SLC35B4: variants seen among roughly 807,000 people sequenced by gnomAD.
The protein encoded by SLC35B4 is solute carrier family 35 member B4.
In SLC35B4, 28 loss-of-function variants were observed where a neutral mutation model predicts 39.5. The ratio of observed to expected loss-of-function variants is 0.71; its 90% CI spans 0.53 to 0.97. The LOEUF (loss-of-function observed/expected upper bound fraction) is 0.97, where lower values mean the gene tolerates loss of function less well. SLC35B4 is among the 50% of genes least tolerant of loss of function. The probability of loss-of-function intolerance (pLI) is 0.00; values close to 1 mark genes in which losing one functional copy is unlikely to be tolerated. For synonymous variants in SLC35B4, 145 were observed against 150.4 expected (o/e 0.96, Z 0.26); for missense variants, 334 against 414.3 (o/e 0.81, Z 1.68).
Position 134,316,881 on chromosome 7 carries a change from G to C in SLC35B4, c.-130C>G. 1 of 833,876 alleles carries C rather than the reference G, an allele frequency of 1.2e-6. No individual in the cohort carries two copies. The highest frequency in any genetic ancestry group is 1.9e-6 in the Non-Finnish European group (1 of 538,154). 51.7% of individuals were successfully genotyped at this position (833,876 alleles called of 1,614,324 possible). On this transcript the variant is annotated 5_prime_UTR_variant, in exon 1 of 10. Transcript: ENST00000378509. ...CGTCCTGGAAAGCCGCTCTCACTGGGGGCCGCCGCGGTCTCCCCTTCTCCC... is the reference window on the plus strand; with the variant it reads ...CGTCCTGGAAAGCCGCTCTCACTGGCGGCCGCCGCGGTCTCCCCTTCTCCC...
intron 1 of SLC35B4, among the ~76,000 whole-genome samples, chr7:134,310,204 T>C (rs722657): frequency 0.49 from 73,790 of 152,000 alleles, 18,245 homozygotes; most frequent in Admixed American, 0.55. Flanking sequence ...TCTCTACAGC[T>C]CTTAACCCAG....
rs971530851 is a variant in SLC35B4 at position 134,290,524 on chromosome 7, G to A, written c.*4309C>T. On this transcript the variant is annotated 3_prime_UTR_variant, in exon 10 of 10. Transcript: ENST00000378509. Reference sequence around the variant, plus strand: ...CTCCCATCCCTGGAATGTCTACTAGGAAGAAGCTGCTAGAAAAAGACAACA... The same window carrying A: ...CTCCCATCCCTGGAATGTCTACTAGAAAGAAGCTGCTAGAAAAAGACAACA... 13 of 152,194 alleles carry A rather than the reference G, an allele frequency of 8.5e-5. No individual in the cohort carries two copies. The highest frequency in any genetic ancestry group is 2.0e-4 in the Admixed American group (3 of 15,278). 9.4% of individuals were successfully genotyped at this position (152,194 alleles called of 1,614,324 possible).
chr7:134,308,347 G>A (rs1563218305), intron 2 of SLC35B4, among the ~76,000 whole-genome samples: 1 of 152,160 alleles, frequency 6.6e-6, no homozygotes, highest in Non-Finnish European at 1.5e-5. Flanking sequence ...TGCTAGTGGT[G>A]GAGAGAATGG....
chr7:134,301,431 G>A (rs186363095), intron 6 of SLC35B4, among the ~76,000 whole-genome samples: 1 of 152,334 alleles, frequency 6.6e-6, no homozygotes, highest in East Asian at 1.9e-4. Flanking sequence ...CCCTCTTGCA[G>A]AAGCTTCAAC....
chr7:134,297,692 T>C (rs939596590), intron 8 of SLC35B4, among the ~76,000 whole-genome samples: 6 of 152,220 alleles, frequency 3.9e-5, no homozygotes, highest in Admixed American at 1.3e-4. Context: ...AAAATAAAAT[T>C]GGCAGATGTC....
chr7:134,296,596 T>A (rs780816131), intron 8 of SLC35B4, 130 bp from the exon 9 acceptor site: 72 of 636,568 alleles, frequency 1.1e-4, no homozygotes, highest in Non-Finnish European at 1.8e-4. Context: ...TAGAATTGGA[T>A]CACGCATCAC....
chr7:134,304,382 C>A lies in SLC35B4; in HGVS notation c.344+423G>T, dbSNP rs13235301. Among the ~76,000 whole-genome samples, 1,102 of 151,988 alleles carry A rather than the reference C, an allele frequency of 7.3e-3. 5 individuals are homozygous for A. Among genetic ancestry groups the A allele is most frequent in the Middle Eastern group, 0.02 (6 of 294 alleles). ...TTCCAACCAGGATGACAGAGTGAGA[C>A]CTCGTCTCCAAAAAAAAGAAAAAAA... On this transcript the variant is annotated intron_variant, in intron 4 of 9. Coordinates refer to ENST00000378509, the MANE Select transcript of SLC35B4 (RefSeq NM_032826.5).
intron 8 of SLC35B4, among the ~76,000 whole-genome samples, chr7:134,297,774 G>A (rs984826975): frequency 2.0e-5 from 3 of 152,158 alleles, no homozygotes; most frequent in South Asian, 2.1e-4. Flanking sequence ...AGTGGCTCAC[G>A]CCTGTAATCC....
At chr7:134,311,868 A>C (rs960030327) in intron 1 of SLC35B4, among the ~76,000 whole-genome samples, 6 of 152,198 alleles carry the variant, frequency 3.9e-5, no homozygotes, top group Non-Finnish European at 7.3e-5. Flanking sequence ...GTATATGTGA[A>C]TGCACAGGTA....
chr7:134,308,292 A>C (rs973524034), intron 2 of SLC35B4, among the ~76,000 whole-genome samples: 4 of 152,126 alleles, frequency 2.6e-5, no homozygotes, highest in African/African-American at 9.7e-5. Context: ...GCCAGCTAGG[A>C]TGCTATTATA....
At chr7:134,303,360 G>A (rs973736418) in intron 4 of SLC35B4, among the ~76,000 whole-genome samples, 1 of 152,132 alleles carries the variant, frequency 6.6e-6, no homozygotes, top group African/African-American at 2.4e-5. Flanking sequence ...CTTGTCATGA[G>A]CCAGAATCAA....
At chr7:134,314,907 A>T (rs1275716303) in intron 1 of SLC35B4, among the ~76,000 whole-genome samples, 1 of 151,800 alleles carries the variant, frequency 6.6e-6, no homozygotes, top group African/African-American at 2.4e-5. Flanking sequence ...TTACAGTTGG[A>T]TACAATTTTT....
At position 134,307,950 on chromosome 7, in the gene SLC35B4, A is replaced by G. The variant is rs527322407; in HGVS notation, c.192-1176T>C. Among the ~76,000 whole-genome samples the G allele has an allele frequency of 3.9e-5, 6 of 152,360 alleles. No homozygotes were observed. In the East Asian group the frequency reaches 7.7e-4, roughly 20 times the overall value. ...TTTCTTGCCAAATTTTCTTAGTTCT[A>G]CCTTGAAGAGGTGCCATTTACAGAG... On this transcript the variant is annotated intron_variant, in intron 2 of 9. Coordinates refer to ENST00000378509, the MANE Select transcript of SLC35B4 (RefSeq NM_032826.5).
chr7:134,297,520 A>C (rs1264625310), intron 8 of SLC35B4, among the ~76,000 whole-genome samples: 1 of 152,222 alleles, frequency 6.6e-6, no homozygotes, highest in African/African-American at 2.4e-5. Flanking sequence ...TCATTAGAGG[A>C]GGCATTGTAC....
intron 2 of SLC35B4, among the ~76,000 whole-genome samples, chr7:134,308,341 A>G (rs1803756990): frequency 6.6e-6 from 1 of 152,154 alleles, no homozygotes; most frequent in African/African-American, 2.4e-5. Flanking sequence ...GATCTATGCT[A>G]GTGGTGGAGA....
At chr7:134,298,821 G>A (rs1360860778) in intron 8 of SLC35B4, among the ~76,000 whole-genome samples, 2 of 152,198 alleles carry the variant, frequency 1.3e-5, no homozygotes, top group Non-Finnish European at 2.9e-5. Context: ...TTAAGCATTT[G>A]AGGTGTGTGC....
chr7:134,303,260 T>C (rs1803631320), intron 4 of SLC35B4, among the ~76,000 whole-genome samples: 1 of 152,130 alleles, frequency 6.6e-6, no homozygotes, highest in African/African-American at 2.4e-5. Context: ...AACAAGTTCT[T>C]AAGGGCAACA....
At chr7:134,312,015 T>C (rs933375262) in intron 1 of SLC35B4, among the ~76,000 whole-genome samples, 18 of 152,170 alleles carry the variant, frequency 1.2e-4, no homozygotes, top group African/African-American at 4.1e-4. Flanking sequence ...AGTGTTTTTA[T>C]CTTTAAAATG....
At position 134,303,345 on chromosome 7, in the gene SLC35B4, G is replaced by A. The variant is rs138613601; in HGVS notation, c.345-1235C>T. Among the ~76,000 whole-genome samples, 798 of 152,196 alleles carry A rather than the reference G, an allele frequency of 5.2e-3. 5 individuals are homozygous for A. The highest frequency in any genetic ancestry group is 0.017 in the Middle Eastern group (5 of 294). ...AATTTCTCTTATAACATGTTCTTTT[G>A]TATCCTTGTCATGAGCCAGAATCAA... On this transcript the variant is annotated intron_variant, in intron 4 of 9. Coordinates refer to ENST00000378509, the MANE Select transcript of SLC35B4 (RefSeq NM_032826.5).
Sources: allele counts gnomAD v4.1 joint callset (sites outside exome capture counted in the v4.1 genomes callset), GRCh38; gene constraint gnomAD v4.1.1; transcripts MANE v1.5; gene names NCBI Gene and HGNC (gene_info 2026-07-23, HGNC 2026-07-21).